Variants in POF1B observed in about 807,000 individuals in gnomAD.
POF1B encodes protein POF1B.
In POF1B, 53 loss-of-function variants were observed where a neutral mutation model predicts 55.3. The observed-to-expected ratio is 0.96, with a 90% CI of 0.77 to 1.20. The LOEUF (loss-of-function observed/expected upper bound fraction) is 1.20, where lower values mean the gene tolerates loss of function less well. Ranked by LOEUF, POF1B falls within the 50% of genes most tolerant of loss-of-function variation. The pLI is 0.00. For synonymous variants in POF1B, 188 were observed against 148.3 expected (o/e 1.27, Z -1.95); for missense variants, 478 against 420.5 (o/e 1.14, Z -1.20).
At chrX:85,347,746 G>T (rs1461258318) in intron 5 of POF1B, among the ~76,000 whole-genome samples, 4 of 111,347 alleles carry the variant, frequency 3.6e-5, no homozygotes, top group Non-Finnish European at 7.6e-5. Context: ...CATAGAATAA[G>T]TTCCTGCTAT....
intron 10 of POF1B, among the ~76,000 whole-genome samples, chrX:85,307,558 C>T (rs1157243202): frequency 1.8e-5 from 2 of 111,009 alleles, no homozygotes; most frequent in African/African-American, 6.5e-5. Flanking sequence ...AAAGAGTCCT[C>T]GTTAATCCCA....
chrX:85,358,678 CTG>C (rs767373580), intron 4 of POF1B, among the ~76,000 whole-genome samples: 2 of 110,358 alleles, frequency 1.8e-5, no homozygotes, highest in East Asian at 5.7e-4. Context: ...AACAATTGGA[CTG>C]AGATTATTTT....
chrX:85,327,772 A>G (rs1932913591), intron 7 of POF1B, among the ~76,000 whole-genome samples: 1 of 112,422 alleles, frequency 8.9e-6, no homozygotes. Context: ...AAAAGATACT[A>G]ATCCTTACTT....
chrX:85,334,275 C>A (rs1032321626), intron 6 of POF1B, among the ~76,000 whole-genome samples: 6 of 110,579 alleles, frequency 5.4e-5, no homozygotes, highest in Non-Finnish European at 1.1e-4. Context: ...CTCCCTGTTA[C>A]AATACTGACT....
Position 85,345,908 on chromosome X carries a change from A to T in POF1B, c.675T>A (p.His225Gln). 1 of 1,207,815 alleles carries T rather than the reference A, an allele frequency of 8.3e-7. No homozygotes were observed. Among genetic ancestry groups the T allele is most frequent in the Non-Finnish European group, 1.1e-6 (1 of 893,292 alleles). The stretch of plus-strand genomic sequence containing the variant: ...CACTATGGCACAGTTCATTTCCAAT[A>T]TGTGTAGAAATTGGATTATTTCCTG... ...AITGNNPIST[H>Q]IGNELCHSGS... The change falls in exon 6 of 17, where the codon CAT becomes CAA. Residue 225 changes from histidine to glutamine, a missense_variant. Coordinates refer to ENST00000262753, the MANE Select transcript of POF1B (RefSeq NM_024921.4).
At chrX:85,294,980 C>A (rs59302605) in intron 15 of POF1B, among the ~76,000 whole-genome samples, 2 of 111,512 alleles carry the variant, frequency 1.8e-5, no homozygotes, top group Non-Finnish European at 3.8e-5. Context: ...TGAATTTATC[C>A]ATTTCCTCTA....
At chrX:85,358,984 G>A (rs760780643) in intron 4 of POF1B, among the ~76,000 whole-genome samples, 2 of 111,327 alleles carry the variant, frequency 1.8e-5, no homozygotes, top group Admixed American at 1.9e-4. Flanking sequence ...GCTTATTAAG[G>A]TGGAATCTTA....
At chrX:85,284,515 A>G (rs954618984) in intron 15 of POF1B, among the ~76,000 whole-genome samples, 1 of 111,706 alleles carries the variant, frequency 9.0e-6, no homozygotes, top group African/African-American at 3.3e-5. Context: ...ATCTACAATC[A>G]CCTGATCTTT....
intron 3 of POF1B, among the ~76,000 whole-genome samples, chrX:85,365,728 C>T (rs1462939594): frequency 2.7e-5 from 3 of 111,722 alleles, no homozygotes; most frequent in Non-Finnish European, 5.6e-5. Context: ...CAGGGATGTC[C>T]ATTACAGCTC....
intron 6 of POF1B, among the ~76,000 whole-genome samples, chrX:85,334,537 CCAAA>C (rs1460139591): frequency 1.8e-5 from 2 of 111,016 alleles, no homozygotes; most frequent in Admixed American, 9.6e-5. Context: ...ATAATAATTG[CCAAA>C]CAGTCTAATT....
Position 85,277,941 on chromosome X carries a change from G to A in POF1B, c.*1480C>T, listed in dbSNP as rs1431092791. On this transcript the variant is annotated 3_prime_UTR_variant, in exon 17 of 17. Transcript: ENST00000262753. ...TAGTTAGCAGAGGAGAAACTCCTCC[G>A]TTGTTCCTACACCAAGGGAAAAAAT... 1.8e-5 allele frequency: 2 copies of A among 110,469 alleles called. No individual in the cohort carries two copies. Among genetic ancestry groups the A allele is most frequent in the African/African-American group, 6.6e-5 (2 of 30,455 alleles). The allele number at this position is 110,469 out of a possible 1,213,427, so 9.1% of individuals were successfully genotyped here.
At chrX:85,364,980 C>T (rs1294417781) in intron 3 of POF1B, among the ~76,000 whole-genome samples, 1 of 111,253 alleles carries the variant, frequency 9.0e-6, no homozygotes, top group Non-Finnish European at 1.9e-5. Flanking sequence ...TTTTGTCTGA[C>T]TGTCTTATTT....
At chrX:85,312,186 C>A (rs1932717556) in intron 9 of POF1B, among the ~76,000 whole-genome samples, 1 of 111,683 alleles carries the variant, frequency 9.0e-6, no homozygotes, top group Non-Finnish European at 1.9e-5. Flanking sequence ...TTAATTAGAT[C>A]CCATTTGTCA....
At chrX:85,364,755 T>C (rs1158184931) in intron 3 of POF1B, among the ~76,000 whole-genome samples, 1 of 111,591 alleles carries the variant, frequency 9.0e-6, no homozygotes, top group Non-Finnish European at 1.9e-5. Context: ...TGTAGAATCT[T>C]GCATGGTTCT....
At chrX:85,285,830 C>T (rs1319930039) in intron 15 of POF1B, among the ~76,000 whole-genome samples, 1 of 110,939 alleles carries the variant, frequency 9.0e-6, no homozygotes, top group African/African-American at 3.3e-5. Flanking sequence ...CCAGCTTACT[C>T]GTCTATACAC....
chrX:85,325,634 T>G (rs763851745), intron 7 of POF1B, among the ~76,000 whole-genome samples: 1 of 112,083 alleles, frequency 8.9e-6, no homozygotes, highest in Non-Finnish European at 1.9e-5. Context: ...TTCATGTCGA[T>G]GATCTTTGTT....
At position 85,281,863 on chromosome X, in the gene POF1B, G is replaced by GC. The variant is rs1293323706; in HGVS notation, c.1764+339_1764+340insG. Reference sequence around the variant, plus strand: ...TCTATGATATTTGCTACCTGCTTTAGAAAAAGGGAAACTGTTTTGGAAAAT... The same window carrying GC: ...TCTATGATATTTGCTACCTGCTTTAGCAAAAAGGGAAACTGTTTTGGAAAAT... On this transcript the variant is annotated intron_variant, in intron 16 of 16. Coordinates refer to ENST00000262753, the MANE Select transcript of POF1B (RefSeq NM_024921.4). Among the ~76,000 whole-genome samples, 9 of 109,645 alleles carry GC rather than the reference G, an allele frequency of 8.2e-5. No individual in the cohort carries two copies. In the East Asian group the frequency reaches 2.6e-3, roughly 31 times the overall value.
chrX:85,322,575 A>G (rs1457309861), intron 7 of POF1B, among the ~76,000 whole-genome samples: 3 of 112,054 alleles, frequency 2.7e-5, no homozygotes, highest in Non-Finnish European at 5.6e-5. Context: ...AATGGCAACA[A>G]AAGCCAAAAT....
intron 6 of POF1B, among the ~76,000 whole-genome samples, chrX:85,339,629 G>T (rs1003041214): frequency 5.4e-5 from 6 of 111,206 alleles, no homozygotes; most frequent in African/African-American, 2.0e-4. Flanking sequence ...CTAGAATCTG[G>T]TTTGCAGTGT....
Sources: gnomAD v4.1 joint callset for allele counts (sites outside exome capture counted in the v4.1 genomes callset) on GRCh38, gnomAD v4.1.1 for gene constraint, MANE v1.5 for transcripts, NCBI Gene and HGNC (gene_info 2026-07-23, HGNC 2026-07-21) for gene names.